Variants in EYA2 observed in about 807,000 individuals in gnomAD.
EYA2 encodes protein phosphatase EYA2.
EYA2 carries 31 observed loss-of-function variants against 69.2 expected under a neutral mutation model. The ratio of observed to expected loss-of-function variants is 0.45; its 90% CI spans 0.34 to 0.60. EYA2 has a LOEUF of 0.60. Among genes scored for constraint, EYA2 ranks in the 20% least tolerant of loss-of-function variants. The probability of loss-of-function intolerance (pLI) is 0.02; values close to 1 mark genes in which losing one functional copy is unlikely to be tolerated. For missense variants in EYA2, 622 were observed against 701.2 expected (o/e 0.89, Z 1.28); for synonymous variants, 257 against 279.4 (o/e 0.92, Z 0.80).
intron 11 of EYA2, among the ~76,000 whole-genome samples, chr20:47,170,800 A>G (rs568318375): frequency 3.9e-5 from 6 of 152,332 alleles, no homozygotes; most frequent in African/African-American, 7.2e-5. Flanking sequence ...CATCAGATAT[A>G]TTATTAGACC....
At position 47,052,085 on chromosome 20, in the gene EYA2, T is replaced by C. The variant is rs910059207; in HGVS notation, c.416-20100T>C. On this transcript the variant is annotated intron_variant, in intron 5 of 15. Coordinates refer to ENST00000327619, the MANE Select transcript of EYA2 (RefSeq NM_005244.5). ...CCCCAGAAATTATTTCTTGAGAGCC[T>C]ACCACGTGCCTCCCACTCTCCCATG... Among the ~76,000 whole-genome samples the C allele has an allele frequency of 1.8e-4, 27 of 152,190 alleles. 1 individual carries two copies. Among genetic ancestry groups the C allele is most frequent in the Admixed American group, 1.3e-4 (2 of 15,282 alleles).
intron 1 of EYA2, among the ~76,000 whole-genome samples, chr20:46,914,123 T>A (rs1178770468): frequency 1.3e-5 from 2 of 152,228 alleles, no homozygotes; most frequent in African/African-American, 4.8e-5. Context: ...GACCTCTCCC[T>A]CGTTCCTAAA....
chr20:47,015,313 G>GTCCCTTT (rs1940609476), intron 4 of EYA2, among the ~76,000 whole-genome samples: 1 of 152,196 alleles, frequency 6.6e-6, no homozygotes, highest in Non-Finnish European at 1.5e-5. Flanking sequence ...CCTCAACACA[G>GTCCCTTT]TCCCTTTCTC....
intron 9 of EYA2, among the ~76,000 whole-genome samples, chr20:47,117,891 A>G (rs1453422228): frequency 6.6e-6 from 1 of 152,210 alleles, no homozygotes; most frequent in African/African-American, 2.4e-5. Flanking sequence ...GTGCTTAAGG[A>G]CATCTGTTTA....
rs191981254 is a variant in EYA2, at chr20:46,945,215, G to C, written c.-10-44786G>C. Among the ~76,000 whole-genome samples the C allele has an allele frequency of 3.9e-5, 6 of 152,324 alleles. No individual in the cohort carries two copies. The East Asian group carries it at 1.2e-3, about 29-fold the overall frequency. ...TCAGTTTCCTCATCTGTAAAATGGG[G>C]ATAATTATAATACCTGCATAGCAGA... is the stretch of plus-strand genomic sequence containing the variant. On this transcript the variant is annotated intron_variant, in intron 1 of 15. Coordinates refer to ENST00000327619, the MANE Select transcript of EYA2 (RefSeq NM_005244.5).
chr20:47,038,584 C>CTG (rs768493142), intron 5 of EYA2, among the ~76,000 whole-genome samples: 6 of 151,740 alleles, frequency 4.0e-5, no homozygotes, highest in Non-Finnish European at 4.4e-5. Context: ...CCTGAGGGGT[C>CTG]TGTGTGTGTG....
At chr20:47,052,571 A>G (rs2146437255) in intron 5 of EYA2, among the ~76,000 whole-genome samples, 1 of 152,340 alleles carries the variant, frequency 6.6e-6, no homozygotes, top group Admixed American at 6.5e-5. Flanking sequence ...GCCCTTTTGT[A>G]AACCGCTACA....
At chr20:47,054,731 T>C (rs146174612) in intron 5 of EYA2, among the ~76,000 whole-genome samples, 67 of 152,266 alleles carry the variant, frequency 4.4e-4, no homozygotes, top group Admixed American at 1.7e-3. Context: ...CGGGACTCAC[T>C]TGGGGGACAT....
chr20:46,937,069 A>G (rs1985941878), intron 1 of EYA2, among the ~76,000 whole-genome samples: 1 of 152,144 alleles, frequency 6.6e-6, no homozygotes, highest in Admixed American at 6.5e-5. Context: ...GAAAGAGACA[A>G]CACTGCTCTG....
At chr20:46,973,747 T>TA (rs1002336193) in intron 1 of EYA2, among the ~76,000 whole-genome samples, 1 of 150,018 alleles carries the variant, frequency 6.7e-6, no homozygotes, top group South Asian at 2.1e-4. Context: ...AATTTTTCAT[T>TA]AAAAAAACTT....
intron 4 of EYA2, among the ~76,000 whole-genome samples, chr20:47,011,415 G>T (rs1248050836): frequency 6.6e-6 from 1 of 151,978 alleles, no homozygotes; most frequent in Non-Finnish European, 1.5e-5. Flanking sequence ...ATCCCTCCAG[G>T]GCCCCTCTCA....
At chr20:46,978,778 C>T (rs1031053048) in intron 1 of EYA2, 4 of 501,340 alleles carry the variant, frequency 8.0e-6, no homozygotes, top group African/African-American at 5.9e-5. Flanking sequence ...TGGACCTGGG[C>T]GATGGCCATG....
chr20:47,042,632 G>A (rs1320329188), intron 5 of EYA2, among the ~76,000 whole-genome samples: 1 of 152,170 alleles, frequency 6.6e-6, no homozygotes, highest in African/African-American at 2.4e-5. Flanking sequence ...CACAGCACCT[G>A]GCACGCATTA....
At chr20:46,963,102 C>A (rs901209238) in intron 1 of EYA2, among the ~76,000 whole-genome samples, 6 of 152,218 alleles carry the variant, frequency 3.9e-5, no homozygotes, top group African/African-American at 1.2e-4. Flanking sequence ...CCCAGTTGCC[C>A]ATGGTGGTAA....
intron 1 of EYA2, among the ~76,000 whole-genome samples, chr20:46,971,718 G>A (rs570849759): frequency 1.3e-5 from 2 of 152,304 alleles, no homozygotes; most frequent in East Asian, 3.9e-4. Context: ...ATTATATGTT[G>A]CTCTGACTGT....
intron 15 of EYA2, among the ~76,000 whole-genome samples, chr20:47,184,754 A>G (rs986968229): frequency 6.6e-6 from 1 of 152,098 alleles, no homozygotes; most frequent in Non-Finnish European, 1.5e-5. Context: ...AGACTCAGAA[A>G]GGTTAATTAA....
intron 8 of EYA2, among the ~76,000 whole-genome samples, chr20:47,089,908 G>C (rs183579994): frequency 8.5e-5 from 13 of 152,092 alleles, no homozygotes; most frequent in East Asian, 3.9e-4. Flanking sequence ...GAGGAACTAG[G>C]GGGGAGGAGG....
intron 9 of EYA2, among the ~76,000 whole-genome samples, chr20:47,112,981 C>G (rs779315836): frequency 6.8e-6 from 1 of 146,952 alleles, no homozygotes; most frequent in Admixed American, 7.1e-5. Context: ...AAGCGATCCT[C>G]CTGCCTCAGC....
At chr20:47,032,791 T>A (rs2146400205) in intron 5 of EYA2, among the ~76,000 whole-genome samples, 1 of 152,362 alleles carries the variant, frequency 6.6e-6, no homozygotes, top group East Asian at 1.9e-4. Flanking sequence ...CAAAGTCAAG[T>A]GCTTCCTTGC....
Sources: allele counts gnomAD v4.1 joint callset (sites outside exome capture counted in the v4.1 genomes callset), GRCh38; gene constraint gnomAD v4.1.1; transcripts MANE v1.5; gene names NCBI Gene and HGNC (gene_info 2026-07-23, HGNC 2026-07-21).